The following STUM variants were observed in gnomAD, a reference collection of about 807,000 sequenced individuals.
STUM encodes the protein stum, mechanosensory transduction mediator homolog, also known as protein stum homolog.
Under a neutral mutation model 15.3 loss-of-function variants are expected in STUM, and 8 were observed. The observed-to-expected ratio is 0.52, with a 90% CI of 0.31 to 0.94. STUM has a LOEUF of 0.94. Among genes scored for constraint, STUM ranks in the 40% least tolerant of loss-of-function variants. The pLI is 0.05. For synonymous variants in STUM, 78 were observed against 88.7 expected, an observed-to-expected ratio of 0.88 and a Z score of 0.68; for missense variants, 142 against 204.9, an observed-to-expected ratio of 0.69 and a Z score of 1.87.
In STUM at chr1:226,549,674, C is replaced by G. The variant is rs1024357339; in HGVS notation, c.202+568C>G. 7.2e-5 allele frequency among the ~76,000 whole-genome samples: 11 copies of G among 152,222 alleles called. No individual in the cohort carries two copies. Among genetic ancestry groups the G allele is most frequent in the African/African-American group, 2.7e-4 (11 of 41,462 alleles). ...TAGCCAGAGTCTCCTCCGCCTCATT[C>G]AGGGGTACCTGCACTTCCGCCAGCA... is the stretch of plus-strand genomic sequence containing the variant. On this transcript the variant is annotated intron_variant, in intron 1 of 3. Transcript: ENST00000366788. The surrounding 1 kb of genome is among the most constrained non-coding windows in gnomAD (Gnocchi z 6.8).
intron 1 of STUM, among the ~76,000 whole-genome samples, chr1:226,564,018 G>T (rs1667583063): frequency 6.6e-6 from 1 of 152,200 alleles, no homozygotes. Context: ...GCGTCCGACT[G>T]CCCATGGCTG....
chr1:226,569,455 C>T (rs543622153), intron 1 of STUM, among the ~76,000 whole-genome samples: 2 of 152,296 alleles, frequency 1.3e-5, no homozygotes, highest in East Asian at 3.9e-4. Context: ...TGGTACAATA[C>T]CTGGCTTGTA....
chr1:226,579,032 G>A lies in STUM; in HGVS notation c.203-17770G>A, dbSNP rs1667869835. Reference sequence around the variant, plus strand: ...TTTCCAGTGGGGCCCATACCTCTGTGCATCCCTAAATTTGATCAGGTTCAT... The same window carrying A: ...TTTCCAGTGGGGCCCATACCTCTGTACATCCCTAAATTTGATCAGGTTCAT... On this transcript the variant is annotated intron_variant, in intron 1 of 3. Coordinates refer to ENST00000366788, the MANE Select transcript of STUM (RefSeq NM_001003665.4). Among the ~76,000 whole-genome samples, 4 of 152,256 alleles carry A rather than the reference G, an allele frequency of 2.6e-5. No homozygotes were observed. In the South Asian group the frequency reaches 8.3e-4, roughly 32 times the overall value.
At chr1:226,582,543 C>T (rs1175192792) in intron 1 of STUM, among the ~76,000 whole-genome samples, 1 of 151,292 alleles carries the variant, frequency 6.6e-6, no homozygotes, top group Non-Finnish European at 1.5e-5. Flanking sequence ...TGCAGTGAGC[C>T]GAGGTCACAC....
chr1:226,553,817 A>G (rs1667406656), intron 1 of STUM, among the ~76,000 whole-genome samples: 1 of 152,238 alleles, frequency 6.6e-6, no homozygotes, highest in Admixed American at 6.5e-5. Context: ...AACTTCTAAA[A>G]TCAACAACAA....
At chr1:226,563,195 C>T (rs180814203) in intron 1 of STUM, among the ~76,000 whole-genome samples, 78 of 152,312 alleles carry the variant, frequency 5.1e-4, no homozygotes, top group African/African-American at 1.7e-3. Context: ...CACACTCATA[C>T]GGTTCAGACA....
intron 2 of STUM, among the ~76,000 whole-genome samples, chr1:226,597,899 T>G (rs1668208684): frequency 6.6e-6 from 1 of 152,178 alleles, no homozygotes; most frequent in Non-Finnish European, 1.5e-5. Flanking sequence ...TGCTGGCTAC[T>G]GGGGCAGCCA....
intron 1 of STUM, among the ~76,000 whole-genome samples, chr1:226,596,398 G>C (rs749741088): frequency 9.2e-5 from 14 of 152,188 alleles, no homozygotes; most frequent in Non-Finnish European, 1.8e-4. Flanking sequence ...AGACACATCA[G>C]CTTCCACCTC....
At chr1:226,551,494 C>G (rs958826921) in intron 1 of STUM, among the ~76,000 whole-genome samples, 7 of 152,244 alleles carry the variant, frequency 4.6e-5, no homozygotes, top group Non-Finnish European at 8.8e-5. Context: ...TTATTGCCCC[C>G]CTTCCCCAGG....
chr1:226,587,222 AAATT>A (rs1268859287), intron 1 of STUM, among the ~76,000 whole-genome samples: 1 of 152,042 alleles, frequency 6.6e-6, no homozygotes, highest in African/African-American at 2.4e-5. Context: ...GGCGCCACTA[AAATT>A]AATTATTAGC....
chr1:226,567,878 T>G lies in STUM; in HGVS notation c.202+18772T>G, dbSNP rs1667648182. Reference sequence around the variant, plus strand: ...ATTATGAATTACTAGAAAGCTATTGTGTTGACATTATTATTTATGTATTGT... The same window carrying G: ...ATTATGAATTACTAGAAAGCTATTGGGTTGACATTATTATTTATGTATTGT... On this transcript the variant is annotated intron_variant, in intron 1 of 3. Transcript: ENST00000366788. This position sits in a 1 kb window ranked among gnomAD's most constrained non-coding sequence, Gnocchi z 4.5. Among the ~76,000 whole-genome samples, 1 of 152,222 alleles carries G rather than the reference T, an allele frequency of 6.6e-6. No homozygotes were observed. The highest frequency in any genetic ancestry group is 1.5e-5 in the Non-Finnish European group (1 of 68,050).
intron 1 of STUM, among the ~76,000 whole-genome samples, chr1:226,555,927 TTAA>T (rs1161724486): frequency 6.6e-6 from 1 of 152,254 alleles, no homozygotes; most frequent in East Asian, 1.9e-4. Flanking sequence ...GAAGTTAACC[TTAA>T]TAATACGTTT....
In STUM at chr1:226,600,305, G is replaced by A. The variant is rs1668244530; in HGVS notation, c.383-361G>A. 6.6e-6 allele frequency among the ~76,000 whole-genome samples: 1 copy of A among 152,198 alleles called. No homozygotes were observed. Among genetic ancestry groups the A allele is most frequent in the African/African-American group, 2.4e-5 (1 of 41,444 alleles). ...AGAGTGAGATTCTGTGTCAAAAGAAGACAAGAATAAAGAATGAAGGCAGCA... is the reference window on the plus strand; with the variant it reads ...AGAGTGAGATTCTGTGTCAAAAGAAAACAAGAATAAAGAATGAAGGCAGCA... On this transcript the variant is annotated intron_variant, in intron 2 of 3. Transcript: ENST00000366788. This position sits in a 1 kb window ranked among gnomAD's most constrained non-coding sequence, Gnocchi z 5.2.
chr1:226,567,001 A>G lies in STUM; in HGVS notation c.202+17895A>G, dbSNP rs1364484113. Reference sequence around the variant, plus strand: ...GCAACTCCATTGCTGCTTCCCGCAAATGCTGCAAATAAGATTCCAAGAATC... The same window carrying G: ...GCAACTCCATTGCTGCTTCCCGCAAGTGCTGCAAATAAGATTCCAAGAATC... On this transcript the variant is annotated intron_variant, in intron 1 of 3. Coordinates refer to ENST00000366788, the MANE Select transcript of STUM (RefSeq NM_001003665.4). The surrounding 1 kb of genome is among the most constrained non-coding windows in gnomAD (Gnocchi z 4.5). Among the ~76,000 whole-genome samples, 1 of 152,204 alleles carries G rather than the reference A, an allele frequency of 6.6e-6. No homozygotes were observed. Among genetic ancestry groups the G allele is most frequent in the Non-Finnish European group, 1.5e-5 (1 of 68,038 alleles).
chr1:226,592,875 C>T (rs1668111699), intron 1 of STUM, among the ~76,000 whole-genome samples: 1 of 152,208 alleles, frequency 6.6e-6, no homozygotes, highest in South Asian at 2.1e-4. Context: ...TCATCTTTCC[C>T]ATCTCAGACA....
Position 226,600,767 on chromosome 1 carries a change from C to T in STUM, c.391+93C>T. ...CACTCCTGCACACAAACACCCCACC[C>T]ACTCTCCCAGTGGGTCAATGGGCTT... is the stretch of plus-strand genomic sequence containing the variant. On this transcript the variant is annotated intron_variant, in intron 3 of 3. Transcript: ENST00000366788. The surrounding 1 kb of genome is among the most constrained non-coding windows in gnomAD (Gnocchi z 5.2). 2 of 1,398,486 alleles carry T rather than the reference C, an allele frequency of 1.4e-6. No individual in the cohort carries two copies. Among genetic ancestry groups the T allele is most frequent in the Non-Finnish European group, 2.0e-6 (2 of 994,338 alleles). The allele number at this position is 1,398,486 out of a possible 1,614,324, so 86.6% of individuals were successfully genotyped here.
Position 226,602,071 on chromosome 1 carries a change from G to A in STUM, c.*31G>A, listed in dbSNP as rs746836082. On this transcript the variant is annotated 3_prime_UTR_variant, in exon 4 of 4. Transcript: ENST00000366788. ...CGGGAGCCGCTGGGGAGATCCAGGG[G>A]GGCCCTGTGAGGGCTGCACCAGGCA... The A allele has an allele frequency of 4.8e-5, 76 of 1,595,808 alleles. No homozygotes were observed. The highest frequency in any genetic ancestry group is 6.1e-5 in the Non-Finnish European group (72 of 1,173,856).
rs775758440 is a variant in STUM at position 226,549,099 on chromosome 1, G to C, written c.195G>C (p.Pro65=). 2 of 1,578,908 alleles carry C rather than the reference G, an allele frequency of 1.3e-6. No individual in the cohort carries two copies. The highest frequency in any genetic ancestry group is 1.4e-5 in the African/African-American group (1 of 71,084). ...VICLFLNTFV[P]GLGTFVSAFT... is the part of the protein sequence containing the mutation. The stretch of plus-strand genomic sequence containing the variant: ...GCCTCTTCCTCAACACTTTCGTGCC[G>C]GGACTGGGTAAGACACGGCTGCCGC... Residue 65 remains proline, a synonymous_variant, in exon 1 of 4, where the codon CCG becomes CCC. Coordinates refer to ENST00000366788, the MANE Select transcript of STUM (RefSeq NM_001003665.4). The surrounding 1 kb of genome is among the most constrained non-coding windows in gnomAD (Gnocchi z 6.8).
Position 226,588,457 on chromosome 1 carries a change from A to G in STUM, c.203-8345A>G, listed in dbSNP as rs570343018. ...CCATTTCTTGAGAAAACAGAACCCAAAAGAGTTGCCATGAAGAGCATTTGA... is the reference window on the plus strand; with the variant it reads ...CCATTTCTTGAGAAAACAGAACCCAGAAGAGTTGCCATGAAGAGCATTTGA... On this transcript the variant is annotated intron_variant, in intron 1 of 3. Coordinates refer to ENST00000366788, the MANE Select transcript of STUM (RefSeq NM_001003665.4). 7.2e-5 allele frequency among the ~76,000 whole-genome samples: 11 copies of G among 152,310 alleles called. No individual in the cohort carries two copies. The South Asian group carries it at 2.3e-3, about 32-fold the overall frequency.
Sources: gnomAD v4.1 joint callset for allele counts (sites outside exome capture counted in the v4.1 genomes callset) on GRCh38, gnomAD v4.1.1 for gene constraint, Gnocchi (gnomAD v3.1) non-coding constraint, MANE v1.5 for transcripts, NCBI Gene and HGNC (gene_info 2026-07-23, HGNC 2026-07-21) for gene names.